Variants in CRADD observed in about 807,000 individuals in gnomAD.
The protein encoded by CRADD is CARD and death domain containing adaptor protein, also known as death domain-containing protein CRADD.
In CRADD, 9 loss-of-function variants were observed where a neutral mutation model predicts 15.5. That is an observed-to-expected ratio of 0.58 (90% CI 0.35 to 1.01). The LOEUF is 1.01. Ranked by LOEUF, CRADD falls within the 50% of genes least tolerant of loss-of-function variation. The pLI is 0.02. For synonymous variants in CRADD, 118 were observed against 107.6 expected, an observed-to-expected ratio of 1.10 and a Z score of -0.60; for missense variants, 227 against 250.3, an observed-to-expected ratio of 0.91 and a Z score of 0.63.
intron 2 of CRADD, chr12:93,790,641 C>T (rs957992936): frequency 3.3e-5 from 5 of 151,876 alleles, no homozygotes; most frequent in African/African-American, 9.7e-5. Flanking sequence ...CTTTTCGTAG[C>T]GAGTCAGAGA....
intron 2 of CRADD, among the ~76,000 whole-genome samples, chr12:93,838,189 G>T (rs1003499284): frequency 1.3e-5 from 2 of 148,458 alleles, no homozygotes; most frequent in African/African-American, 5.0e-5. Flanking sequence ...CAGAACAAGG[G>T]GTTCTAATTA....
Position 93,740,610 on chromosome 12 carries a change from G to A in CRADD, c.298+61538G>A, listed in dbSNP as rs1956650945. ...TAAATTGGATTCTATTTCTGTGAAA[G>A]CCATATTCTTAACATCAATGCCTAC... On this transcript the variant is annotated intron_variant, in intron 2 of 2. Coordinates refer to ENST00000332896, the MANE Select transcript of CRADD (RefSeq NM_003805.5). Among the ~76,000 whole-genome samples the A allele has an allele frequency of 1.3e-5, 2 of 152,144 alleles. 1 individual carries two copies. Among genetic ancestry groups the A allele is most frequent in the Non-Finnish European group, 2.9e-5 (2 of 68,012 alleles).
chr12:93,860,942 C>T (rs776317127), intron 2 of CRADD, among the ~76,000 whole-genome samples: 14 of 152,328 alleles, frequency 9.2e-5, no homozygotes, highest in South Asian at 6.2e-4. Context: ...AAGCCCCCTC[C>T]TCTCCTCCCC....
At chr12:93,808,320 A>G (rs1160863845) in intron 2 of CRADD, among the ~76,000 whole-genome samples, 2 of 152,158 alleles carry the variant, frequency 1.3e-5, no homozygotes, top group Non-Finnish European at 2.9e-5. Context: ...ATGAGGAACA[A>G]AGTCATGTTT....
chr12:93,703,106 T>C (rs1383055828), intron 2 of CRADD, among the ~76,000 whole-genome samples: 13 of 152,184 alleles, frequency 8.5e-5, no homozygotes, highest in Admixed American at 8.5e-4. Flanking sequence ...GACTGTGTTC[T>C]TGAGTGTGGA....
Position 93,824,413 on chromosome 12 carries a change from CACACACAT to C in CRADD, c.299-25549_299-25542del, listed in dbSNP as rs1338707850. Among the ~76,000 whole-genome samples the C allele has an allele frequency of 8.3e-6, 1 of 119,946 alleles. No homozygotes were observed. The highest frequency in any genetic ancestry group is 3.2e-5 in the African/African-American group (1 of 31,734). 78.7% of individuals were successfully genotyped at this position (119,946 alleles called of 152,430 possible). A position where few individuals can be genotyped will look rare whatever the true frequency, so the allele number is the denominator to read the frequency against. ...TTTGGAAAACACACACACACTCATA[CACACACAT>C]ACACACACACACACACACACTACCA... On this transcript the variant is annotated intron_variant, in intron 2 of 2. Coordinates refer to ENST00000332896, the MANE Select transcript of CRADD (RefSeq NM_003805.5). The surrounding 1 kb of genome is among the most constrained non-coding windows in gnomAD (Gnocchi z 4.3).
chr12:93,873,031 A>G (rs971980802), intron 2 of CRADD, among the ~76,000 whole-genome samples: 1 of 152,066 alleles, frequency 6.6e-6, no homozygotes, highest in African/African-American at 2.4e-5. Context: ...GATTTTTCCA[A>G]TCTATGAACA....
At chr12:93,714,035 G>A (rs1432451291) in intron 2 of CRADD, among the ~76,000 whole-genome samples, 3 of 152,142 alleles carry the variant, frequency 2.0e-5, no homozygotes, top group Non-Finnish European at 2.9e-5. Flanking sequence ...GCTCTCATTC[G>A]TAAAAGAGAT....
chr12:93,845,122 G>A (rs1377512240), intron 2 of CRADD, among the ~76,000 whole-genome samples: 2 of 152,178 alleles, frequency 1.3e-5, no homozygotes, highest in Admixed American at 6.5e-5. Flanking sequence ...CCTGGTCTAA[G>A]ACATTTAACT....
At chr12:93,776,995 T>C (rs904050992) in intron 2 of CRADD, among the ~76,000 whole-genome samples, 4 of 152,222 alleles carry the variant, frequency 2.6e-5, no homozygotes, top group African/African-American at 9.6e-5. Flanking sequence ...TAAAAACCAC[T>C]GAATTGCATA....
At chr12:93,733,636 G>C (rs2136915899) in intron 2 of CRADD, 1 of 152,526 alleles carries the variant, frequency 6.6e-6, no homozygotes, top group South Asian at 2.1e-4. Context: ...TTGAGTTCCT[G>C]GGGAGGCTGC....
chr12:93,798,398 T>C (rs1957443519), intron 2 of CRADD, among the ~76,000 whole-genome samples: 1 of 152,120 alleles, frequency 6.6e-6, no homozygotes, highest in Admixed American at 6.5e-5. Flanking sequence ...ACTGATTGAG[T>C]CATAATTGCA....
In CRADD at chr12:93,710,560, G is replaced by A. The variant is rs369798038; in HGVS notation, c.298+31488G>A. Among the ~76,000 whole-genome samples, 41 of 152,120 alleles carry A rather than the reference G, an allele frequency of 2.7e-4. No individual in the cohort carries two copies. In the East Asian group the frequency reaches 4.6e-3, roughly 17 times the overall value. ...GGGTTTCACCATGTTGGCCAGGCTG[G>A]TCTCGAACTCTTGACCTCAGGTGAT... On this transcript the variant is annotated intron_variant, in intron 2 of 2. Coordinates refer to ENST00000332896, the MANE Select transcript of CRADD (RefSeq NM_003805.5).
At chr12:93,761,502 A>G (rs1956962158) in intron 2 of CRADD, among the ~76,000 whole-genome samples, 1 of 152,138 alleles carries the variant, frequency 6.6e-6, no homozygotes, top group African/African-American at 2.4e-5. Context: ...GGGGACCAGA[A>G]CAATTGGGTG....
At chr12:93,750,619 C>T (rs1848622891) in intron 2 of CRADD, among the ~76,000 whole-genome samples, 1 of 151,426 alleles carries the variant, frequency 6.6e-6, no homozygotes, top group Non-Finnish European at 1.5e-5. Context: ...TTTCTAAAAC[C>T]GACTATATGT....
chr12:93,690,179 T>C (rs531628598), intron 2 of CRADD, among the ~76,000 whole-genome samples: 2 of 152,324 alleles, frequency 1.3e-5, no homozygotes, highest in Non-Finnish European at 2.9e-5. Context: ...AGATTCAGAC[T>C]ATTGGCCAAA....
Position 93,814,097 on chromosome 12 carries a change from T to G in CRADD, c.299-35873T>G, listed in dbSNP as rs377701713. On this transcript the variant is annotated intron_variant, in intron 2 of 2. Transcript: ENST00000332896. Reference sequence around the variant, plus strand: ...TTTCTCAGCTGCCTGCCAATTCTCTTCTGGGACAATGCCAGCCATAAAGTA... The same window carrying G: ...TTTCTCAGCTGCCTGCCAATTCTCTGCTGGGACAATGCCAGCCATAAAGTA... Among the ~76,000 whole-genome samples, 8 of 152,332 alleles carry G rather than the reference T, an allele frequency of 5.3e-5. No individual in the cohort carries two copies. In the South Asian group the frequency reaches 1.0e-3, roughly 20 times the overall value.
At chr12:93,845,576 A>ATTTTT (rs1430738405) in intron 2 of CRADD, among the ~76,000 whole-genome samples, 2 of 66,562 alleles carry the variant, frequency 3.0e-5, no homozygotes, top group African/African-American at 1.1e-4. Flanking sequence ...ATATATATAT[A>ATTTTT]TATTTTTAAT....
chr12:93,766,084 A>G (rs566595868), intron 2 of CRADD, among the ~76,000 whole-genome samples: 70 of 152,350 alleles, frequency 4.6e-4, no homozygotes, highest in African/African-American at 1.6e-3. Flanking sequence ...AGCATTCTAC[A>G]AGAAATCTTA....
Sources: allele counts gnomAD v4.1 joint callset (sites outside exome capture counted in the v4.1 genomes callset), GRCh38; gene constraint gnomAD v4.1.1; non-coding constraint Gnocchi (gnomAD v3.1); transcripts MANE v1.5; gene names NCBI Gene and HGNC (gene_info 2026-07-23, HGNC 2026-07-21).